HMGXB4: variants seen among roughly 807,000 people sequenced by gnomAD.
HMGXB4 encodes HMG domain-containing protein 4.
HMGXB4 carries 27 observed loss-of-function variants against 63.9 expected under a neutral mutation model. The observed-to-expected ratio is 0.42, with a 90% CI of 0.31 to 0.58. The LOEUF (loss-of-function observed/expected upper bound fraction) is 0.58, where lower values mean the gene tolerates loss of function less well. Among genes scored for constraint, HMGXB4 ranks in the 20% least tolerant of loss-of-function variants. The pLI is 0.13. For missense variants in HMGXB4, 624 were observed against 700.7 expected (o/e 0.89, Z 1.24); for synonymous variants, 264 against 265.3 (o/e 0.99, Z 0.05).
chr22:35,280,721 G>A (rs1022244720), intron 5 of HMGXB4, among the ~76,000 whole-genome samples: 1 of 152,184 alleles, frequency 6.6e-6, no homozygotes, highest in Admixed American at 6.5e-5. Flanking sequence ...CAGTTGATGG[G>A]CTCTGCCTGC....
At chr22:35,284,394 T>G (rs76058117) in intron 6 of HMGXB4, among the ~76,000 whole-genome samples, 4 of 152,244 alleles carry the variant, frequency 2.6e-5, no homozygotes, top group Non-Finnish European at 4.4e-5. Context: ...TATATTGTTG[T>G]AAAGATGCTC....
intron 1 of HMGXB4, among the ~76,000 whole-genome samples, chr22:35,259,269 T>G (rs1388215390): frequency 6.6e-6 from 1 of 152,282 alleles, no homozygotes; most frequent in African/African-American, 2.4e-5. Context: ...TTTACTTATG[T>G]TGTCATATCT....
chr22:35,265,732 A>C, intron 5 of HMGXB4, 129 bp downstream of exon 5: 2 of 1,276,708 alleles, frequency 1.6e-6, no homozygotes, highest in Non-Finnish European at 2.1e-6. Flanking sequence ...GATATGTTGG[A>C]ATGATATAAA....
intron 5 of HMGXB4, among the ~76,000 whole-genome samples, chr22:35,281,567 G>A (rs939612326): frequency 6.6e-6 from 1 of 152,180 alleles, no homozygotes; most frequent in Non-Finnish European, 1.5e-5. Context: ...TATTGTGTTT[G>A]AGAAAACGTT....
chr22:35,291,115 T>C (rs1247257070), intron 9 of HMGXB4, among the ~76,000 whole-genome samples: 1 of 152,010 alleles, frequency 6.6e-6, no homozygotes, highest in African/African-American at 2.4e-5. Context: ...ATACAAAAAT[T>C]AGCCAGTTGT....
At chr22:35,256,868 C>G (rs1178785962), upstream of HMGXB4, among the ~76,000 whole-genome samples, 1 of 152,208 alleles carries the variant, frequency 6.6e-6, no homozygotes, top group Non-Finnish European at 1.5e-5. Context: ...TTCTCAATGG[C>G]AAATCAGAAA....
intron 7 of HMGXB4, 39 bp downstream of exon 7, chr22:35,286,100 C>G: frequency 7.2e-7 from 1 of 1,394,648 alleles, no homozygotes; most frequent in Non-Finnish European, 1.0e-6. Context: ...TTCAGTGCTT[C>G]TCGCCTTCCA....
intron 4 of HMGXB4, 86 bp downstream of exon 4, chr22:35,263,960 G>T (rs1248255175): frequency 6.3e-7 from 1 of 1,587,966 alleles, no homozygotes; most frequent in Non-Finnish European, 8.6e-7. Flanking sequence ...AGATGTTGCT[G>T]ACTCAGTGGC....
At chr22:35,287,251 T>C (rs1202149163) in intron 7 of HMGXB4, 96 bp from the exon 8 acceptor site, 13 of 966,732 alleles carry the variant, frequency 1.3e-5, no homozygotes, top group Non-Finnish European at 2.1e-5. Context: ...CTCTTACTAT[T>C]GCCTTTCTTT....
intron 5 of HMGXB4, among the ~76,000 whole-genome samples, chr22:35,282,680 T>G (rs1283432853): frequency 1.3e-5 from 2 of 152,230 alleles, no homozygotes; most frequent in African/African-American, 4.8e-5. Context: ...GGGCCCATAA[T>G]GCATGGCCCT....
At chr22:35,267,067 G>A (rs1018537504) in intron 5 of HMGXB4, among the ~76,000 whole-genome samples, 2 of 151,334 alleles carry the variant, frequency 1.3e-5, no homozygotes, top group Non-Finnish European at 1.5e-5. Context: ...TATAAAGGGT[G>A]CCTTTTAAGA....
At chr22:35,265,951 T>TA (rs1451493841) in intron 5 of HMGXB4, among the ~76,000 whole-genome samples, 2 of 151,260 alleles carry the variant, frequency 1.3e-5, no homozygotes, top group Non-Finnish European at 3.0e-5. Context: ...AATTTTTTTT[T>TA]TTTTTTTTTG....
chr22:35,260,830 A>G (rs1181525834), intron 1 of HMGXB4, among the ~76,000 whole-genome samples: 1 of 152,184 alleles, frequency 6.6e-6, no homozygotes. Flanking sequence ...GATTGTGCAA[A>G]TAAGTCTTTT....
Position 35,287,450 on chromosome 22 carries a change from A to G in HMGXB4, c.1466A>G (p.Lys489Arg), listed in dbSNP as rs1481802390. The G allele has an allele frequency of 6.2e-7, 1 of 1,607,818 alleles. No individual in the cohort carries two copies. ...AGCTCAGAAGGTTCCATGAAAGTCA[A>G]AGGTAGTGACCACATCCCGCCCCTG... ...ASSSEGSMKV[K>R]ASSVGVLSPQ... is the part of the protein sequence containing the mutation. Residue 489 changes from lysine (K) to arginine (R), a missense_variant and splice_region_variant, in exon 8 of 11, where the codon AAA becomes AGA. Transcript: ENST00000216106.
chr22:35,260,597 G>T (rs1272439910), intron 1 of HMGXB4, among the ~76,000 whole-genome samples: 1 of 152,138 alleles, frequency 6.6e-6, no homozygotes, highest in African/African-American at 2.4e-5. Flanking sequence ...CTATGAAAAG[G>T]CCCTTCGAAC....
chr22:35,284,926 G>T (rs886451056), intron 6 of HMGXB4, among the ~76,000 whole-genome samples: 17 of 152,216 alleles, frequency 1.1e-4, no homozygotes, highest in Non-Finnish European at 2.5e-4. Context: ...GCTTTATAAA[G>T]CATAAAACTC....
chr22:35,286,013 TA>T lies in HMGXB4; in HGVS notation c.1320del (p.Lys440AsnfsTer15), dbSNP rs1432296429. The T allele has an allele frequency of 1.9e-6, 3 of 1,610,476 alleles. No individual in the cohort carries two copies. The highest frequency in any genetic ancestry group is 2.2e-5 in the South Asian group (2 of 90,526). On this transcript the variant is annotated frameshift_variant, in exon 7 of 11. Coordinates refer to ENST00000216106, the MANE Select transcript of HMGXB4 (RefSeq NM_001003681.3). LOFTEE classifies it high-confidence loss of function. Reference protein sequence around the residue: ...HPGIDFGELSKKLAEVWKQLP... With the variant: ...HPGIDFGELSXKLAEVWKQLP... ...TTATGCCAGATTTTGGGGAACTTAG[TA>T]AAAAACTGGCTGAGGTGTGGAAGCA...
At chr22:35,277,225 G>A (rs1923964097) in intron 5 of HMGXB4, among the ~76,000 whole-genome samples, 1 of 152,208 alleles carries the variant, frequency 6.6e-6, no homozygotes, top group African/African-American at 2.4e-5. Flanking sequence ...TATAGTTGTA[G>A]AACTCATAGC....
Position 35,263,095 on chromosome 22 carries a change from C to T in HMGXB4, c.49C>T (p.His17Tyr). 17 of 1,613,680 alleles carry T rather than the reference C, an allele frequency of 1.1e-5. No individual in the cohort carries two copies. Among genetic ancestry groups the T allele is most frequent in the Non-Finnish European group, 1.4e-5 (17 of 1,179,880 alleles). ...VKKEDCFDGDHTFEDIGLAAG... is the reference protein window; with the variant it reads ...VKKEDCFDGDYTFEDIGLAAG... ...CTTCTCAGATTGTTTTGATGGTGAT[C>T]ATACCTTTGAGGACATAGGACTTGC... is the stretch of plus-strand genomic sequence containing the variant. Residue 17 changes from histidine to tyrosine, a missense_variant, in exon 3 of 11, where the codon CAT becomes TAT. By Grantham distance (83) the His-to-Tyr change is moderately conservative (BLOSUM62 2). Transcript: ENST00000216106.
Sources: allele counts gnomAD v4.1 joint callset (sites outside exome capture counted in the v4.1 genomes callset), GRCh38; gene constraint gnomAD v4.1.1; transcripts MANE v1.5; gene names NCBI Gene and HGNC (gene_info 2026-07-23, HGNC 2026-07-21).